Variants in SAP30BP observed in about 807,000 individuals in gnomAD.
The protein encoded by SAP30BP is SAP30-binding protein.
Under a neutral mutation model 46.3 loss-of-function variants are expected in SAP30BP, and 31 were observed. That is an observed-to-expected ratio of 0.67 (90% CI 0.50 to 0.90). The LOEUF (loss-of-function observed/expected upper bound fraction) is 0.90. Ranked by LOEUF, SAP30BP falls within the 40% of genes least tolerant of loss-of-function variation. The pLI is 0.00. For missense variants in SAP30BP, 312 were observed against 391.0 expected (o/e 0.80, Z 1.70); for synonymous variants, 169 against 144.2 (o/e 1.17, Z -1.23).
intron 3 of SAP30BP, among the ~76,000 whole-genome samples, chr17:75,685,140 C>T (rs1235043942): frequency 3.9e-5 from 6 of 152,174 alleles, no homozygotes; most frequent in South Asian, 2.1e-4. Flanking sequence ...TACACCCTCC[C>T]ATCAGCCGTG....
At chr17:75,678,602 G>A (rs1332964002) in intron 3 of SAP30BP, among the ~76,000 whole-genome samples, 1 of 152,124 alleles carries the variant, frequency 6.6e-6, no homozygotes, top group African/African-American at 2.4e-5. Context: ...TGGCTGAACT[G>A]ACCATCACTT....
At chr17:75,685,086 A>C (rs2060136860) in intron 3 of SAP30BP, among the ~76,000 whole-genome samples, 1 of 151,176 alleles carries the variant, frequency 6.6e-6, no homozygotes, top group African/African-American at 2.4e-5. Flanking sequence ...GCCCCACCTC[A>C]CTCCTGTGGT....
chr17:75,679,218 G>C (rs904377438), intron 3 of SAP30BP, among the ~76,000 whole-genome samples: 1 of 151,990 alleles, frequency 6.6e-6, no homozygotes. Flanking sequence ...GGATGGTCTC[G>C]ATCTCCTGAC....
Position 75,706,247 on chromosome 17 carries a change from C to A in SAP30BP, c.746-93C>A. On this transcript the variant is annotated intron_variant, in intron 10 of 10. Coordinates refer to ENST00000584667, the MANE Select transcript of SAP30BP (RefSeq NM_013260.8). The surrounding 1 kb of genome is among the most constrained non-coding windows in gnomAD (Gnocchi z 4.6). ...AGTCTGGGGTGGGCCACTTCGGGGT[C>A]TGCTCCCTAGACTCCCGCTGGCCTG... The A allele has an allele frequency of 6.5e-7, 1 of 1,547,676 alleles. No individual in the cohort carries two copies. Among genetic ancestry groups the A allele is most frequent in the Non-Finnish European group, 8.8e-7 (1 of 1,140,466 alleles).
At chr17:75,682,539 C>G (rs2060092989) in intron 3 of SAP30BP, among the ~76,000 whole-genome samples, 2 of 152,060 alleles carry the variant, frequency 1.3e-5, no homozygotes, top group African/African-American at 4.8e-5. Flanking sequence ...TTATGTTTGC[C>G]TATAATAACA....
At chr17:75,693,262 A>C in intron 3 of SAP30BP, 178 bp from the exon 4 acceptor site, 1 of 585,994 alleles carries the variant, frequency 1.7e-6, no homozygotes. Context: ...CGATGCGGGA[A>C]GAAGAGGGTT....
intron 2 of SAP30BP, among the ~76,000 whole-genome samples, chr17:75,669,557 A>T (rs534447373): frequency 8.5e-4 from 129 of 151,770 alleles, no homozygotes; most frequent in African/African-American, 3.0e-3. Context: ...TTTAAAATTT[A>T]AAAAAAAATT....
At chr17:75,678,463 AACACACACACACAC>A (rs59943167) in intron 3 of SAP30BP, among the ~76,000 whole-genome samples, 1 of 147,534 alleles carries the variant, frequency 6.8e-6, no homozygotes, top group Non-Finnish European at 1.5e-5. Context: ...CACAATTTAA[AACACACACACACAC>A]ACACACACAC....
At chr17:75,687,927 T>TGG (rs2060183085) in intron 3 of SAP30BP, among the ~76,000 whole-genome samples, 2 of 93,624 alleles carry the variant, frequency 2.1e-5, no homozygotes, top group African/African-American at 7.0e-5. Context: ...GGTGTGTGTG[T>TGG]GTGTGTGTGT....
intron 3 of SAP30BP, among the ~76,000 whole-genome samples, chr17:75,682,829 G>A (rs561375446): frequency 1.3e-5 from 2 of 151,504 alleles, no homozygotes; most frequent in African/African-American, 2.4e-5. Context: ...CAGACATGGT[G>A]GCACGTGCCT....
chr17:75,677,399 G>A (rs1029364887), intron 3 of SAP30BP, among the ~76,000 whole-genome samples: 11 of 150,142 alleles, frequency 7.3e-5, no homozygotes, highest in Admixed American at 3.3e-4. Flanking sequence ...CACCACGCCC[G>A]GCCTATGGCT....
At chr17:75,703,780 T>C in intron 7 of SAP30BP, 28 bp from the exon 8 acceptor site, 1 of 1,607,074 alleles carries the variant, frequency 6.2e-7, no homozygotes, top group South Asian at 1.1e-5. Flanking sequence ...TCATTTGTCA[T>C]CTGAGTCATT....
At chr17:75,689,266 A>G (rs1389467625) in intron 3 of SAP30BP, among the ~76,000 whole-genome samples, 1 of 149,384 alleles carries the variant, frequency 6.7e-6, no homozygotes, top group Non-Finnish European at 1.5e-5. Flanking sequence ...ACAGGCATGC[A>G]CCACCATGCC....
chr17:75,699,307 A>G (rs948881187), intron 4 of SAP30BP, among the ~76,000 whole-genome samples: 32 of 152,162 alleles, frequency 2.1e-4, no homozygotes, highest in African/African-American at 7.5e-4. Flanking sequence ...GGTTCAAGCA[A>G]TTCTAGTTCC....
In SAP30BP at chr17:75,697,189, CTT is replaced by C. The variant is rs1264418425; in HGVS notation, c.308-2592_308-2591del. Among the ~76,000 whole-genome samples, 15 of 152,346 alleles carry C rather than the reference CTT, an allele frequency of 9.8e-5. No individual in the cohort carries two copies. In the East Asian group the frequency reaches 2.3e-3, roughly 24 times the overall value. ...TTCCTGGCAAATGCCAAAGGGCACT[CTT>C]TGTCTCTCTGTCACAAGCACAGATA... is the stretch of plus-strand genomic sequence containing the variant. On this transcript the variant is annotated intron_variant, in intron 4 of 10. Transcript: ENST00000584667.
At position 75,700,646 on chromosome 17, in the gene SAP30BP, C is replaced by T. The variant is rs2060394518; in HGVS notation, c.396+775C>T. Among the ~76,000 whole-genome samples, 3 of 152,218 alleles carry T rather than the reference C, an allele frequency of 2.0e-5. No individual in the cohort carries two copies. In the South Asian group the frequency reaches 6.2e-4, roughly 32 times the overall value. On this transcript the variant is annotated intron_variant, in intron 5 of 10. Transcript: ENST00000584667. ...GGAATGCAGCAAGCTAGGGGAGGGC[C>T]AGAGCAGGACTGGGGGTGCAGCACA...
At chr17:75,704,888 G>A in intron 9 of SAP30BP, 74 bp downstream of exon 9, 2 of 1,240,292 alleles carry the variant, frequency 1.6e-6, no homozygotes, top group South Asian at 1.2e-5. Flanking sequence ...GAGCCCAGAA[G>A]GTGTCCAGGC....
intron 5 of SAP30BP, among the ~76,000 whole-genome samples, chr17:75,701,755 C>G (rs141054799): frequency 4.1e-4 from 62 of 152,326 alleles, no homozygotes; most frequent in African/African-American, 1.4e-3. Context: ...GACTTGATCT[C>G]ATGTTAAAAT....
intron 3 of SAP30BP, among the ~76,000 whole-genome samples, chr17:75,690,112 C>T (rs1282756806): frequency 6.6e-6 from 1 of 152,184 alleles, no homozygotes; most frequent in Non-Finnish European, 1.5e-5. Flanking sequence ...ACCACCAAAT[C>T]TAAAATAAAA....
Sources: gnomAD v4.1 joint callset for allele counts (sites outside exome capture counted in the v4.1 genomes callset) on GRCh38, gnomAD v4.1.1 for gene constraint, Gnocchi (gnomAD v3.1) non-coding constraint, MANE v1.5 for transcripts, NCBI Gene and HGNC (gene_info 2026-07-23, HGNC 2026-07-21) for gene names.